The following ACSM6 variants were observed in gnomAD, a reference collection of about 807,000 sequenced individuals.
ACSM6 encodes the protein acyl-coenzyme A synthetase ACSM6, mitochondrial.
Under a neutral mutation model 51.1 loss-of-function variants are expected in ACSM6, and 35 were observed. The ratio of observed to expected loss-of-function variants is 0.69; its 90% CI spans 0.52 to 0.91. The LOEUF (loss-of-function observed/expected upper bound fraction) is 0.91, where lower values mean the gene tolerates loss of function less well. ACSM6 is among the 40% of genes least tolerant of loss of function. The pLI is 0.00. For missense variants in ACSM6, 509 were observed against 584.1 expected, an observed-to-expected ratio of 0.87 and a Z score of 1.32; for synonymous variants, 172 against 207.3, an observed-to-expected ratio of 0.83 and a Z score of 1.46.
At chr10:95,205,909 C>T (rs1359435251) in intron 3 of ACSM6, among the ~76,000 whole-genome samples, 3 of 152,122 alleles carry the variant, frequency 2.0e-5, no homozygotes, top group African/African-American at 4.8e-5. Context: ...AGGTCTTTTC[C>T]ACTGTGTCCC....
intron 7 of ACSM6, among the ~76,000 whole-genome samples, chr10:95,214,191 A>G (rs1463059112): frequency 6.6e-6 from 1 of 152,188 alleles, no homozygotes; most frequent in Non-Finnish European, 1.5e-5. Flanking sequence ...GTTATTATCT[A>G]ATACAGATGA....
chr10:95,208,318 G>T (rs923065750), intron 4 of ACSM6, among the ~76,000 whole-genome samples: 1 of 152,060 alleles, frequency 6.6e-6, no homozygotes, highest in Non-Finnish European at 1.5e-5. Flanking sequence ...CTGGAGACTC[G>T]GAAAGGTCAG....
Position 95,205,008 on chromosome 10 carries a change from C to T in ACSM6, c.404-2200C>T, listed in dbSNP as rs577481110. Among the ~76,000 whole-genome samples, 7 of 152,256 alleles carry T rather than the reference C, an allele frequency of 4.6e-5. No homozygotes were observed. In the East Asian group the frequency reaches 1.4e-3, roughly 29 times the overall value. ...TCTGATGTGCCCTTTTGGTGGCATC[C>T]AGAAAGCTGCACAGTGATGGCTCTA... On this transcript the variant is annotated intron_variant, in intron 3 of 10. Transcript: ENST00000341686.
intron 2 of ACSM6, among the ~76,000 whole-genome samples, chr10:95,198,921 T>C (rs1171863889): frequency 1.3e-5 from 2 of 152,098 alleles, no homozygotes; most frequent in African/African-American, 4.8e-5. Flanking sequence ...AAAATGGCCA[T>C]ACTGCCCAAG....
Position 95,223,147 on chromosome 10 carries a change from C to T in ACSM6, c.1201-2143C>T, listed in dbSNP as rs557688706. On this transcript the variant is annotated intron_variant, in intron 9 of 10. Coordinates refer to ENST00000341686, the Ensembl canonical transcript of ACSM6. ...TTCCTTACACTCCCTATCCAAAACA[C>T]GCACACATACAGACACACACACACA... 8.5e-5 allele frequency among the ~76,000 whole-genome samples: 11 copies of T among 129,214 alleles called. No individual in the cohort carries two copies. In the South Asian group the frequency reaches 1.7e-3, roughly 20 times the overall value. The allele number at this position is 129,214 out of a possible 152,430, so 84.8% of individuals were successfully genotyped here. A position where few individuals can be genotyped will look rare whatever the true frequency, so the allele number is the denominator to read the frequency against.
intron 3 of ACSM6, among the ~76,000 whole-genome samples, chr10:95,203,963 G>A (rs1398435766): frequency 6.6e-6 from 1 of 151,746 alleles, no homozygotes; most frequent in African/African-American, 2.4e-5. Flanking sequence ...GAGGAAGGGA[G>A]TGAACCCTAC....
At chr10:95,226,799 A>G (rs1384259659) in intron 10 of ACSM6, among the ~76,000 whole-genome samples, 1 of 152,232 alleles carries the variant, frequency 6.6e-6, no homozygotes, top group Non-Finnish European at 1.5e-5. Flanking sequence ...AAAAGACCAA[A>G]GAAGAAAAGC....
intron 2 of ACSM6, among the ~76,000 whole-genome samples, chr10:95,197,835 TC>T (rs1486688221): frequency 2.6e-5 from 4 of 152,344 alleles, no homozygotes; most frequent in East Asian, 3.9e-4. Flanking sequence ...TTTCAGACTA[TC>T]ACATGGGGAG....
At chr10:95,195,409 G>C (rs939845898) in intron 2 of ACSM6, among the ~76,000 whole-genome samples, 1 of 152,200 alleles carries the variant, frequency 6.6e-6, no homozygotes, top group Non-Finnish European at 1.5e-5. Context: ...GAGTATTCAG[G>C]AACAGTTTGG....
At chr10:95,202,077 C>G (rs1179520025) in exon 3 of ACSM6, 6 of 1,551,878 alleles carry the variant, frequency 3.9e-6, no homozygotes, top group Non-Finnish European at 5.2e-6. Context: ...CTCAACTCTC[C>G]AAGAAGGCCG....
chr10:95,228,479 G>T, intron 10 of ACSM6, 165 bp from the exon 11 acceptor site: 1 of 591,492 alleles, frequency 1.7e-6, no homozygotes, highest in Non-Finnish European at 2.6e-6. Flanking sequence ...ACCAAGGAAA[G>T]TTCTCCGTGT....
intron 2 of ACSM6, among the ~76,000 whole-genome samples, chr10:95,197,890 G>A (rs890146866): frequency 3.3e-5 from 5 of 152,256 alleles, no homozygotes; most frequent in African/African-American, 7.2e-5. Context: ...AAGTCCCTGC[G>A]GCTTTCCGCA....
exon 5 of ACSM6, chr10:95,210,724 C>T (rs2034885238): frequency 1.9e-6 from 3 of 1,613,854 alleles, no homozygotes; most frequent in African/African-American, 2.7e-5. Flanking sequence ...ACCAAGGGTA[C>T]AACAGGAGCT....
intron 4 of ACSM6, among the ~76,000 whole-genome samples, chr10:95,209,026 C>A (rs565205600): frequency 1.5e-5 from 2 of 133,396 alleles, no homozygotes; most frequent in Non-Finnish European, 3.2e-5. Context: ...AAATAGACAA[C>A]AAGAAAACAC....
At chr10:95,203,706 A>T (rs2034815414) in intron 3 of ACSM6, among the ~76,000 whole-genome samples, 1 of 151,996 alleles carries the variant, frequency 6.6e-6, no homozygotes, top group Admixed American at 6.6e-5. Context: ...CTGCTATAGT[A>T]CCTGACTTTC....
chr10:95,227,254 C>T (rs1399754160), intron 10 of ACSM6, among the ~76,000 whole-genome samples: 2 of 151,948 alleles, frequency 1.3e-5, no homozygotes, highest in Non-Finnish European at 2.9e-5. Flanking sequence ...CCCAAAATGC[C>T]AACAGCCACC....
Position 95,210,446 on chromosome 10 carries a change from A to C in ACSM6, c.612-204A>C, listed in dbSNP as rs566931773. ...AAAAATAAGGCTGGCGTATAAATGC[A>C]TCATATATTTCTTATGCAACAAAAA... On this transcript the variant is annotated intron_variant, in intron 4 of 10. Transcript: ENST00000341686. Among the ~76,000 whole-genome samples, 10 of 152,344 alleles carry C rather than the reference A, an allele frequency of 6.6e-5. 1 individual carries two copies. The South Asian group carries it at 2.1e-3, about 32-fold the overall frequency.
chr10:95,207,227 G>C, exon 4 of ACSM6: 2 of 1,614,054 alleles, frequency 1.2e-6, no homozygotes, highest in Non-Finnish European at 8.5e-7. Flanking sequence ...TTGTGCCTGG[G>C]AGCCCCCAGC....
chr10:95,201,984 G>A lies in ACSM6; in HGVS notation c.193-1G>A. On this transcript the variant is annotated splice_acceptor_variant, in intron 2 of 10. Transcript: ENST00000341686. LOFTEE classifies it high-confidence loss of function. ...CATATTTTAAACATCACCCTGCCTA[G>A]GACGGACTCAGAGGGCCTTACCCCG... 6.4e-7 allele frequency: 1 copy of A among 1,551,400 alleles called. No individual in the cohort carries two copies. Among genetic ancestry groups the A allele is most frequent in the Non-Finnish European group, 8.7e-7 (1 of 1,146,732 alleles).
Sources: allele counts gnomAD v4.1 joint callset (sites outside exome capture counted in the v4.1 genomes callset), GRCh38; gene constraint gnomAD v4.1.1; transcripts MANE v1.5; gene names NCBI Gene and HGNC (gene_info 2026-07-23, HGNC 2026-07-21).